HYAL4: variants seen among roughly 807,000 people sequenced by gnomAD.
HYAL4 encodes the protein hyaluronidase-4.
A neutral mutation model predicts 35.2 loss-of-function variants in HYAL4; 37 were observed. The ratio of observed to expected loss-of-function variants is 1.05; its 90% CI spans 0.81 to 1.38. HYAL4 has a LOEUF of 1.38. HYAL4 is among the 40% of genes most tolerant of loss of function. HYAL4 has a pLI of 0.00. For missense variants in HYAL4, 572 were observed against 572.4 expected, an observed-to-expected ratio of 1.00 and a Z score of 0.01; for synonymous variants, 198 against 203.2, an observed-to-expected ratio of 0.97 and a Z score of 0.22.
intron 2 of HYAL4, among the ~76,000 whole-genome samples, chr7:123,852,649 A>G (rs921149059): frequency 1.3e-5 from 2 of 152,080 alleles, no homozygotes; most frequent in East Asian, 1.9e-4. Flanking sequence ...GCCTTATAGT[A>G]TAGTTTGAAG....
At chr7:123,864,392 CA>C (rs1433165797) in intron 2 of HYAL4, among the ~76,000 whole-genome samples, 1 of 152,064 alleles carries the variant, frequency 6.6e-6, no homozygotes, top group Admixed American at 6.6e-5. Flanking sequence ...GGGACAAGTC[CA>C]GGTTAAATTC....
At chr7:123,862,855 A>G (rs1806605187) in intron 2 of HYAL4, among the ~76,000 whole-genome samples, 1 of 152,168 alleles carries the variant, frequency 6.6e-6, no homozygotes, top group Non-Finnish European at 1.5e-5. Flanking sequence ...TTCAAAGCCC[A>G]CCACATCTTT....
At chr7:123,778,794 T>C in the HYAL4 span, among the ~76,000 whole-genome samples, 1 of 152,206 alleles carries the variant, frequency 6.6e-6, no homozygotes, top group African/African-American at 2.4e-5. Context: ...ACTTTGACAA[T>C]TGAAATATCT....
the HYAL4 span, among the ~76,000 whole-genome samples, chr7:123,805,922 A>G: frequency 1.2e-4 from 18 of 152,166 alleles, no homozygotes; most frequent in African/African-American, 3.9e-4. Context: ...TGAACCCGGG[A>G]GGTAGAGATT....
At chr7:123,782,641 T>C in the HYAL4 span, among the ~76,000 whole-genome samples, 5 of 152,154 alleles carry the variant, frequency 3.3e-5, no homozygotes, top group African/African-American at 1.2e-4. Context: ...CTTTCAAAAG[T>C]GTTTCAGTAT....
chr7:123,831,433 G>A (rs1482227878), intron 1 of HYAL4, among the ~76,000 whole-genome samples: 2 of 152,028 alleles, frequency 1.3e-5, no homozygotes, highest in Admixed American at 6.6e-5. Flanking sequence ...TTTTAATTTC[G>A]GAGAACTCTT....
intron 2 of HYAL4, 126 bp from the exon 3 acceptor site, chr7:123,868,097 A>T (rs1350192086): frequency 2.5e-6 from 1 of 398,274 alleles, no homozygotes; most frequent in Non-Finnish European, 4.4e-6. Flanking sequence ...CAATTTATTT[A>T]TAGGCCTCTT....
In HYAL4 at chr7:123,877,055, T is replaced by C; in HGVS notation, c.1346T>C (p.Ile449Thr). ...QGYEGADCRE[I>T]KTADGCSGVS... ...TATGAAGGAGCTGATTGCAGAGAAA[T>C]AAAGACGGCTGATGGCTGCTCTGGG... is the stretch of plus-strand genomic sequence containing the variant. The change falls in exon 5 of 5, where the codon ATA becomes ACA. Residue 449 changes from isoleucine to threonine, a missense_variant. Transcript: ENST00000223026. 1 of 1,614,198 alleles carries C rather than the reference T, an allele frequency of 6.2e-7. No homozygotes were observed. The highest frequency in any genetic ancestry group is 8.5e-7 in the Non-Finnish European group (1 of 1,180,022).
At chr7:123,875,796 C>A (rs1251521170) in intron 4 of HYAL4, among the ~76,000 whole-genome samples, 1 of 151,752 alleles carries the variant, frequency 6.6e-6, no homozygotes, top group South Asian at 2.1e-4. Context: ...TTTCCAGATG[C>A]GGTTTGTTTA....
At chr7:123,794,975 G>C in the HYAL4 span, among the ~76,000 whole-genome samples, 6 of 152,356 alleles carry the variant, frequency 3.9e-5, no homozygotes, top group Middle Eastern at 6.8e-3. Flanking sequence ...CAAGAGTGGA[G>C]CTGTACCCTG....
At chr7:123,794,071 G>T in the HYAL4 span, among the ~76,000 whole-genome samples, 1 of 152,212 alleles carries the variant, frequency 6.6e-6, no homozygotes, top group African/African-American at 2.4e-5. Flanking sequence ...GGCTGAGGTG[G>T]TCTCAGATGG....
chr7:123,864,941 G>A (rs1806652019), intron 2 of HYAL4, among the ~76,000 whole-genome samples: 1 of 151,698 alleles, frequency 6.6e-6, no homozygotes, highest in Admixed American at 6.6e-5. Flanking sequence ...TTTTGGTCGT[G>A]CACCCACACA....
Position 123,877,173 on chromosome 7 carries a change from G to A in HYAL4, c.*18G>A. 1 of 1,602,026 alleles carries A rather than the reference G, an allele frequency of 6.2e-7. No individual in the cohort carries two copies. On this transcript the variant is annotated 3_prime_UTR_variant, in exon 5 of 5. Coordinates refer to ENST00000223026, the MANE Select transcript of HYAL4 (RefSeq NM_012269.3). ...AGTTGTGAGATAATTGAGTTTAAAG[G>A]GAATTGTGTGGCCTCTAGCCTAGTC...
intron 2 of HYAL4, among the ~76,000 whole-genome samples, chr7:123,859,216 A>G (rs1382854726): frequency 1.3e-5 from 2 of 152,302 alleles, no homozygotes; most frequent in South Asian, 4.1e-4. Context: ...CAAAGATAAA[A>G]AAGAAAGAAC....
the HYAL4 span, among the ~76,000 whole-genome samples, chr7:123,792,787 T>C: frequency 2.0e-5 from 3 of 152,326 alleles, no homozygotes; most frequent in East Asian, 5.8e-4. Context: ...GAAACAGATG[T>C]AACTGACATC....
chr7:123,846,641 C>T (rs1266364063), intron 1 of HYAL4, among the ~76,000 whole-genome samples: 1 of 152,146 alleles, frequency 6.6e-6, no homozygotes. Flanking sequence ...GATTCACACC[C>T]TCCCCTGAGG....
the HYAL4 span, among the ~76,000 whole-genome samples, chr7:123,776,507 G>A: frequency 6.6e-6 from 1 of 152,206 alleles, no homozygotes; most frequent in South Asian, 2.1e-4. Context: ...TCAAACTTCC[G>A]GGCTCAAGTG....
At chr7:123,791,162 C>A in the HYAL4 span, among the ~76,000 whole-genome samples, 1 of 152,076 alleles carries the variant, frequency 6.6e-6, no homozygotes, top group Non-Finnish European at 1.5e-5. Flanking sequence ...TGACAGGCTC[C>A]TTGAATTAGT....
chr7:123,817,333 A>G, the HYAL4 span, among the ~76,000 whole-genome samples: 1 of 152,082 alleles, frequency 6.6e-6, no homozygotes, highest in East Asian at 1.9e-4. Flanking sequence ...CGGATGGGTA[A>G]CTAAAACTTA....
Sources: gnomAD v4.1 joint callset for allele counts (sites outside exome capture counted in the v4.1 genomes callset) on GRCh38, gnomAD v4.1.1 for gene constraint, MANE v1.5 for transcripts, NCBI Gene and HGNC (gene_info 2026-07-23, HGNC 2026-07-21) for gene names.